The following OXR1 variants were observed in gnomAD, a reference collection of about 807,000 sequenced individuals.
The protein encoded by OXR1 is oxidation resistance protein 1.
A neutral mutation model predicts 104.6 loss-of-function variants in OXR1; 41 were observed. That is an observed-to-expected ratio of 0.39 (90% CI 0.31 to 0.51). OXR1 has a LOEUF of 0.51. OXR1 is among the 20% of genes least tolerant of loss of function. The pLI, the probability that OXR1 is intolerant of heterozygous loss-of-function variation, is 0.77. For missense variants in OXR1, 955 were observed against 1,031.9 expected (o/e 0.93, Z 1.02); for synonymous variants, 348 against 348.4 (o/e 1.00, Z 0.01).
At chr8:106,630,819 G>T (rs1219130778) in intron 3 of OXR1, among the ~76,000 whole-genome samples, 2 of 152,124 alleles carry the variant, frequency 1.3e-5, no homozygotes, top group Non-Finnish European at 2.9e-5. Context: ...CACATTCCTT[G>T]CTTTCTGTTT....
intron 3 of OXR1, among the ~76,000 whole-genome samples, chr8:106,564,281 T>TA (rs981003514): frequency 2.6e-5 from 4 of 151,148 alleles, no homozygotes; most frequent in African/African-American, 7.3e-5. Context: ...ATAGACACAA[T>TA]AAAAAAATGA....
At chr8:106,521,455 G>A (rs1316506755) in intron 3 of OXR1, among the ~76,000 whole-genome samples, 3 of 152,096 alleles carry the variant, frequency 2.0e-5, no homozygotes, top group East Asian at 3.9e-4. Context: ...CTTGTGACCC[G>A]TCAGAATCAG....
At chr8:106,270,701 G>A (rs1232697200) in intron 1 of OXR1, among the ~76,000 whole-genome samples, 1 of 152,114 alleles carries the variant, frequency 6.6e-6, no homozygotes, top group Non-Finnish European at 1.5e-5. Context: ...GCGGGAGCCC[G>A]GCCAGGGACA....
chr8:106,627,739 C>T (rs1020084076), intron 3 of OXR1, among the ~76,000 whole-genome samples: 3 of 152,144 alleles, frequency 2.0e-5, no homozygotes, highest in African/African-American at 4.8e-5. Context: ...CCTCATGCCA[C>T]TTAGCAATAA....
intron 9 of OXR1, among the ~76,000 whole-genome samples, chr8:106,707,951 G>A (rs2131380056): frequency 6.6e-6 from 1 of 151,932 alleles, no homozygotes; most frequent in East Asian, 1.9e-4. Context: ...TAAAATTATG[G>A]TAAAATGTAA....
intron 3 of OXR1, among the ~76,000 whole-genome samples, chr8:106,560,390 T>C (rs1435375806): frequency 1.3e-5 from 2 of 152,204 alleles, no homozygotes; most frequent in Non-Finnish European, 2.9e-5. Flanking sequence ...TAAGCCCATC[T>C]TGATAGCACC....
At chr8:106,618,930 A>G (rs1303016733) in intron 3 of OXR1, among the ~76,000 whole-genome samples, 1 of 151,920 alleles carries the variant, frequency 6.6e-6, no homozygotes. Flanking sequence ...AAATAACATT[A>G]TCATTAAACA....
intron 3 of OXR1, among the ~76,000 whole-genome samples, chr8:106,571,201 A>G (rs1459709019): frequency 6.6e-6 from 1 of 152,114 alleles, no homozygotes; most frequent in Non-Finnish European, 1.5e-5. Context: ...GTAACAAAAT[A>G]TCATAGACTG....
intron 3 of OXR1, among the ~76,000 whole-genome samples, chr8:106,560,494 G>A (rs1563605744): frequency 6.6e-6 from 1 of 152,150 alleles, no homozygotes; most frequent in South Asian, 2.1e-4. Context: ...TTCCCATCCT[G>A]AACCTTGACA....
Position 106,745,882 on chromosome 8 carries a change from C to T in OXR1, c.2486+20C>T. The T allele has an allele frequency of 7.3e-7, 1 of 1,367,198 alleles. No homozygotes were observed. The highest frequency in any genetic ancestry group is 1.3e-5 in the South Asian group (1 of 79,192). The allele number at this position is 1,367,198 out of a possible 1,614,324, so 84.7% of individuals were successfully genotyped here. A position where few individuals can be genotyped will look rare whatever the true frequency, so the allele number is the denominator to read the frequency against. On this transcript the variant is annotated intron_variant, in intron 16 of 16. Transcript: ENST00000517566. ...TGGAGGGTAAGTCTCTTGAACATTT[C>T]ACTATGAGATTTTTGAAGAACTTTA...
In OXR1 at chr8:106,497,669, C is replaced by G. The variant is rs182304160; in HGVS notation, c.24-21274C>G. Among the ~76,000 whole-genome samples, 464 of 152,242 alleles carry G rather than the reference C, an allele frequency of 3.0e-3. 1 individual carries two copies. Among genetic ancestry groups the G allele is most frequent in the African/African-American group, 0.01 (424 of 41,540 alleles). ...AAGATCAAAATCTACCTCTGAAGTG[C>G]ACATTTGTATTGAATGACTCTGATG... is the stretch of plus-strand genomic sequence containing the variant. On this transcript the variant is annotated intron_variant, in intron 2 of 16. Transcript: ENST00000517566.
intron 15 of OXR1, among the ~76,000 whole-genome samples, chr8:106,743,613 G>A (rs1392128223): frequency 2.0e-5 from 3 of 152,114 alleles, no homozygotes; most frequent in African/African-American, 7.2e-5. Flanking sequence ...GAGCCACCAC[G>A]CCCAACTGAA....
intron 2 of OXR1, among the ~76,000 whole-genome samples, chr8:106,419,354 A>G (rs1196243105): frequency 6.6e-6 from 1 of 152,182 alleles, no homozygotes; most frequent in Non-Finnish European, 1.5e-5. Context: ...ACTTTGAAGC[A>G]CAGGGTGGTG....
intron 3 of OXR1, among the ~76,000 whole-genome samples, chr8:106,548,526 TTATAA>T (rs1042174406): frequency 6.6e-6 from 1 of 152,190 alleles, no homozygotes; most frequent in Admixed American, 6.5e-5. Flanking sequence ...TATAAAAATG[TTATAA>T]TATATAAAAA....
chr8:106,462,191 A>G (rs935414799), intron 2 of OXR1, among the ~76,000 whole-genome samples: 1 of 152,226 alleles, frequency 6.6e-6, no homozygotes, highest in African/African-American at 2.4e-5. Flanking sequence ...TGCAAATAAT[A>G]TAGCAGAATT....
intron 1 of OXR1, among the ~76,000 whole-genome samples, chr8:106,323,992 C>T (rs1586523268): frequency 1.3e-5 from 2 of 152,104 alleles, no homozygotes; most frequent in African/African-American, 4.8e-5. Flanking sequence ...CCATTCAACC[C>T]AGCAATCCCA....
chr8:106,444,170 T>G (rs1244519900), intron 2 of OXR1, among the ~76,000 whole-genome samples: 1 of 152,030 alleles, frequency 6.6e-6, no homozygotes, highest in Non-Finnish European at 1.5e-5. Context: ...CAGAATTGAT[T>G]ATTAAAAATC....
In OXR1 at chr8:106,706,554, T is replaced by C. The variant is rs755455177; in HGVS notation, c.1033T>C (p.Ser345Pro). 3.1e-6 allele frequency: 5 copies of C among 1,610,092 alleles called. No homozygotes were observed. The South Asian group carries it at 5.5e-5, about 18-fold the overall frequency. ...AGATGTGTTCACAGAATCAGAACTT[T>C]CCCCTATACGAGAGGAGCTTGTATC... ...SEDVFTESEL[S>P]PIREELVSSD... The change falls in exon 9 of 17, where the codon TCC becomes CCC. Residue 345 changes from serine (S) to proline (P), a missense_variant. Coordinates refer to ENST00000517566, the MANE Select transcript of OXR1 (RefSeq NM_001198533.2).
At chr8:106,396,366 T>C (rs891383383) in intron 2 of OXR1, among the ~76,000 whole-genome samples, 2 of 152,060 alleles carry the variant, frequency 1.3e-5, no homozygotes, top group East Asian at 1.9e-4. Context: ...ATCCATCTCA[T>C]GTACCCCCTG....
Sources: gnomAD v4.1 joint callset for allele counts (sites outside exome capture counted in the v4.1 genomes callset) on GRCh38, gnomAD v4.1.1 for gene constraint, MANE v1.5 for transcripts, NCBI Gene and HGNC (gene_info 2026-07-23, HGNC 2026-07-21) for gene names.